The following OPHN1 variants were observed in gnomAD, a reference collection of about 807,000 sequenced individuals.
OPHN1 encodes oligophrenin-1.
A neutral mutation model predicts 60.7 loss-of-function variants in OPHN1; 11 were observed. The ratio of observed to expected loss-of-function variants is 0.18; its 90% CI spans 0.11 to 0.30. The LOEUF is 0.30. Ranked by LOEUF, OPHN1 falls within the 10% of genes least tolerant of loss-of-function variation. OPHN1 has a pLI of 1.00. For missense variants in OPHN1, 449 were observed against 611.0 expected, an observed-to-expected ratio of 0.73 and a Z score of 2.80; for synonymous variants, 226 against 222.6, an observed-to-expected ratio of 1.02 and a Z score of -0.14.
chrX:68,211,818 T>C (rs1277301681), intron 8 of OPHN1, among the ~76,000 whole-genome samples: 1 of 112,298 alleles, frequency 8.9e-6, no homozygotes, highest in Non-Finnish European at 1.9e-5. Context: ...AGCTATGTCC[T>C]GATCTGAGAG....
intron 9 of OPHN1, among the ~76,000 whole-genome samples, chrX:68,208,912 C>T (rs2077572018): frequency 8.9e-6 from 1 of 112,303 alleles, no homozygotes; most frequent in African/African-American, 3.2e-5. Flanking sequence ...GAAATGTCAA[C>T]AGCACTGAGA....
At chrX:68,304,531 T>G (rs2078136323) in intron 2 of OPHN1, among the ~76,000 whole-genome samples, 1 of 111,910 alleles carries the variant, frequency 8.9e-6, no homozygotes, top group African/African-American at 3.2e-5. Flanking sequence ...AAGATTTCTT[T>G]ATGTATTCTG....
chrX:68,294,438 A>C (rs2078084553), intron 3 of OPHN1, among the ~76,000 whole-genome samples: 1 of 92,578 alleles, frequency 1.1e-5, no homozygotes, highest in South Asian at 5.8e-4. Flanking sequence ...ACGCCACTGC[A>C]CTCCAGCCTG....
chrX:68,137,127 G>A (rs764131094), intron 15 of OPHN1, among the ~76,000 whole-genome samples: 1 of 111,720 alleles, frequency 9.0e-6, no homozygotes, highest in African/African-American at 3.2e-5. Context: ...TTAAATCATA[G>A]GAAAGGAAAT....
intron 2 of OPHN1, among the ~76,000 whole-genome samples, chrX:68,343,742 G>A (rs1022974589): frequency 2.7e-5 from 3 of 111,268 alleles, no homozygotes; most frequent in African/African-American, 6.5e-5. Context: ...GAAGTCCTTC[G>A]TATACAGAAA....
At chrX:68,218,804 G>A (rs1159414523) in intron 6 of OPHN1, among the ~76,000 whole-genome samples, 3 of 90,993 alleles carry the variant, frequency 3.3e-5, no homozygotes, top group African/African-American at 1.2e-4. Flanking sequence ...AGGAACAACC[G>A]GTACCAGCCG....
At chrX:68,122,952 C>T (rs1442242111) in intron 15 of OPHN1, among the ~76,000 whole-genome samples, 3 of 110,705 alleles carry the variant, frequency 2.7e-5, no homozygotes, top group African/African-American at 9.8e-5. Context: ...ATAGTATCAG[C>T]GATATCAACT....
intron 15 of OPHN1, chrX:68,132,879 G>C: frequency 3.4e-6 from 1 of 297,557 alleles, no homozygotes; most frequent in Non-Finnish European, 5.9e-6. Context: ...CGAACCAGGC[G>C]ACGCTGAAGC....
chrX:68,264,908 G>T lies in OPHN1; in HGVS notation c.384+9830C>A, dbSNP rs976408419. On this transcript the variant is annotated intron_variant, in intron 5 of 24. Transcript: ENST00000355520. ...CCATGCATGGCTTGGAGGGTCCTAC[G>T]CCCACAGAGCCTCACTCACTGCTAG... 7.1e-5 allele frequency among the ~76,000 whole-genome samples: 8 copies of T among 112,471 alleles called. No individual in the cohort carries two copies. In the East Asian group the frequency reaches 1.7e-3, roughly 24 times the overall value.
intron 19 of OPHN1, among the ~76,000 whole-genome samples, chrX:68,092,668 T>C (rs191781859): frequency 3.6e-4 from 40 of 111,415 alleles, no homozygotes; most frequent in Admixed American, 3.3e-3. Context: ...ATCCTGGGAA[T>C]AAGAGATAAC....
chrX:68,133,288 G>T (rs759115603), intron 15 of OPHN1: 14 of 615,658 alleles, frequency 2.3e-5, no homozygotes, highest in African/African-American at 1.1e-4. Flanking sequence ...TAATACGTGA[G>T]TGTGTCTTAG....
intron 15 of OPHN1, among the ~76,000 whole-genome samples, chrX:68,138,633 G>C (rs1465184524): frequency 8.9e-6 from 1 of 112,096 alleles, no homozygotes; most frequent in Non-Finnish European, 1.9e-5. Context: ...TAAAAATATA[G>C]TACCACAATA....
chrX:68,390,409 A>C (rs1311541211), intron 2 of OPHN1, among the ~76,000 whole-genome samples: 4 of 111,058 alleles, frequency 3.6e-5, no homozygotes, highest in Non-Finnish European at 7.5e-5. Flanking sequence ...GACCAGCCTA[A>C]GAAACATGGC....
At chrX:68,149,391 T>C (rs2077276070) in intron 15 of OPHN1, among the ~76,000 whole-genome samples, 1 of 112,171 alleles carries the variant, frequency 8.9e-6, no homozygotes, top group African/African-American at 3.2e-5. Context: ...ATGAAGCTAC[T>C]GACCTGAAGT....
intron 2 of OPHN1, among the ~76,000 whole-genome samples, chrX:68,431,637 A>G (rs1427728523): frequency 3.9e-5 from 4 of 103,574 alleles, no homozygotes; most frequent in African/African-American, 1.4e-4. Context: ...CATGTTAGCC[A>G]GGCTGGTCTC....
chrX:68,342,836 G>A (rs2078359800), intron 2 of OPHN1, among the ~76,000 whole-genome samples: 1 of 111,561 alleles, frequency 9.0e-6, no homozygotes, highest in African/African-American at 3.3e-5. Context: ...AGCTACTCAG[G>A]AGGCTGAGGC....
At chrX:68,161,888 C>T (rs2077336239) in intron 15 of OPHN1, among the ~76,000 whole-genome samples, 1 of 111,190 alleles carries the variant, frequency 9.0e-6, no homozygotes. Flanking sequence ...TACTATATGG[C>T]AGCACAAATT....
chrX:68,056,882 T>C (rs1050503885), intron 21 of OPHN1, among the ~76,000 whole-genome samples: 5 of 111,495 alleles, frequency 4.5e-5, no homozygotes, highest in Non-Finnish European at 9.4e-5. Flanking sequence ...ATTGGTAATA[T>C]AAAAATTATA....
chrX:68,280,415 C>T (rs1460297437), intron 4 of OPHN1, among the ~76,000 whole-genome samples: 2 of 111,724 alleles, frequency 1.8e-5, no homozygotes, highest in African/African-American at 6.5e-5. Context: ...AAGTTAGTGA[C>T]AGATCCAGAA....
Sources: gnomAD v4.1 joint callset for allele counts (sites outside exome capture counted in the v4.1 genomes callset) on GRCh38, gnomAD v4.1.1 for gene constraint, MANE v1.5 for transcripts, NCBI Gene and HGNC (gene_info 2026-07-23, HGNC 2026-07-21) for gene names.